The following SGCZ variants were observed in gnomAD, a reference collection of about 807,000 sequenced individuals.
SGCZ encodes the protein zeta-sarcoglycan.
SGCZ carries 40 observed loss-of-function variants against 41.3 expected under a neutral mutation model. The ratio of observed to expected loss-of-function variants is 0.97; its 90% confidence interval spans 0.75 to 1.26. The LOEUF (loss-of-function observed/expected upper bound fraction) is 1.26. SGCZ is among the 50% of genes most tolerant of loss of function. The probability of loss-of-function intolerance (pLI) is 0.00; values close to 1 mark genes in which losing one functional copy is unlikely to be tolerated. For synonymous variants in SGCZ, 206 were observed against 137.5 expected, an observed-to-expected ratio of 1.50 and a Z score of -3.49; for missense variants, 552 against 369.8, an observed-to-expected ratio of 1.49 and a Z score of -4.04.
intron 5 of SGCZ, among the ~76,000 whole-genome samples, chr8:14,143,626 C>G (rs1803437298): frequency 6.6e-6 from 1 of 152,088 alleles, no homozygotes; most frequent in African/African-American, 2.4e-5. Context: ...GCAAGGGCAC[C>G]AATTTAAGAA....
intron 1 of SGCZ, among the ~76,000 whole-genome samples, chr8:14,945,043 G>T (rs759277370): frequency 6.6e-6 from 1 of 151,784 alleles, no homozygotes; most frequent in South Asian, 2.1e-4. Context: ...CTTCCATCCT[G>T]TGAAAGTTTG....
At chr8:14,504,828 C>T (rs1802258346) in intron 2 of SGCZ, among the ~76,000 whole-genome samples, 1 of 152,132 alleles carries the variant, frequency 6.6e-6, no homozygotes. Context: ...GGGCTGTCTT[C>T]AATTGAACCA....
At chr8:14,343,289 G>C (rs1437308507) in intron 2 of SGCZ, among the ~76,000 whole-genome samples, 1 of 152,158 alleles carries the variant, frequency 6.6e-6, no homozygotes, top group Admixed American at 6.5e-5. Flanking sequence ...GCCTAGTGGA[G>C]CTGCAAGAAG....
At chr8:15,186,993 T>C (rs1434907656) in intron 1 of SGCZ, among the ~76,000 whole-genome samples, 1 of 152,140 alleles carries the variant, frequency 6.6e-6, no homozygotes, top group Non-Finnish European at 1.5e-5. Context: ...CTATTTGTTA[T>C]AGTAGAAATC....
intron 2 of SGCZ, among the ~76,000 whole-genome samples, chr8:14,536,077 T>G (rs1482967017): frequency 6.6e-6 from 1 of 151,878 alleles, no homozygotes; most frequent in Non-Finnish European, 1.5e-5. Context: ...ATTAAACACA[T>G]TCAAAATAAA....
intron 2 of SGCZ, among the ~76,000 whole-genome samples, chr8:14,365,131 T>A (rs991978772): frequency 6.6e-6 from 1 of 152,068 alleles, no homozygotes; most frequent in Non-Finnish European, 1.5e-5. Context: ...GTTATTACAG[T>A]GATATATGCT....
At chr8:14,091,801 T>C (rs915860415) in intron 7 of SGCZ, among the ~76,000 whole-genome samples, 3 of 152,188 alleles carry the variant, frequency 2.0e-5, no homozygotes, top group Non-Finnish European at 4.4e-5. Flanking sequence ...CTGATGATAG[T>C]TTCTTTTGCT....
intron 3 of SGCZ, among the ~76,000 whole-genome samples, chr8:14,250,688 T>G (rs1052261176): frequency 3.9e-5 from 6 of 152,000 alleles, no homozygotes; most frequent in Admixed American, 6.5e-5. Flanking sequence ...AGTTAACCCT[T>G]GAGATGCCAG....
intron 2 of SGCZ, among the ~76,000 whole-genome samples, chr8:14,394,206 A>G (rs1432039386): frequency 7.3e-6 from 1 of 136,414 alleles, no homozygotes. Flanking sequence ...GCTGGAGTGC[A>G]GTGGCATGAT....
intron 1 of SGCZ, among the ~76,000 whole-genome samples, chr8:14,764,208 G>A (rs979371735): frequency 2.0e-5 from 3 of 152,174 alleles, no homozygotes; most frequent in Non-Finnish European, 2.9e-5. Context: ...ACAGAAATAT[G>A]TCAGATAATG....
At chr8:14,257,606 A>G (rs1457939714) in intron 3 of SGCZ, among the ~76,000 whole-genome samples, 1 of 151,492 alleles carries the variant, frequency 6.6e-6, no homozygotes, top group Admixed American at 6.6e-5. Flanking sequence ...TACATTAGGT[A>G]TATCTACTAA....
chr8:14,717,321 A>G (rs1809724446), intron 1 of SGCZ, among the ~76,000 whole-genome samples: 1 of 152,172 alleles, frequency 6.6e-6, no homozygotes, highest in East Asian at 1.9e-4. Flanking sequence ...GTACAATACC[A>G]GGAAGCCATA....
chr8:14,743,509 A>G (rs1490975864), intron 1 of SGCZ, among the ~76,000 whole-genome samples: 1 of 152,070 alleles, frequency 6.6e-6, no homozygotes. Context: ...AATATGAAGT[A>G]AATTTTTGTT....
intron 5 of SGCZ, among the ~76,000 whole-genome samples, chr8:14,136,747 G>C (rs1326990821): frequency 1.3e-5 from 2 of 152,186 alleles, no homozygotes; most frequent in African/African-American, 4.8e-5. Context: ...AAAGGCAGCA[G>C]AAACTTCTGC....
At chr8:15,021,174 C>T (rs1397961741) in intron 1 of SGCZ, among the ~76,000 whole-genome samples, 2 of 151,986 alleles carry the variant, frequency 1.3e-5, no homozygotes, top group African/African-American at 4.8e-5. Context: ...TGCTGCTGCA[C>T]CTGCAAATCT....
At chr8:14,824,025 A>C (rs997419247) in intron 1 of SGCZ, among the ~76,000 whole-genome samples, 1 of 148,732 alleles carries the variant, frequency 6.7e-6, no homozygotes, top group Admixed American at 7.0e-5. Flanking sequence ...ATAGAATCTA[A>C]AGGGAAAAAA....
chr8:14,824,348 A>C (rs1802217078), intron 1 of SGCZ, among the ~76,000 whole-genome samples: 1 of 152,158 alleles, frequency 6.6e-6, no homozygotes, highest in Non-Finnish European at 1.5e-5. Context: ...TCAAAGAATC[A>C]AATTATACTC....
rs376083251 is a variant in SGCZ, at chr8:14,263,822, C to T, written c.337-26143G>A. On this transcript the variant is annotated intron_variant, in intron 3 of 7. Coordinates refer to ENST00000382080, the MANE Select transcript of SGCZ (RefSeq NM_139167.4). ...GAGTCACACTGCCATCTTCACCCCT[C>T]TCCCAACTCCAAGAAGCACAACTCA... is the stretch of plus-strand genomic sequence containing the variant. Among the ~76,000 whole-genome samples the T allele has an allele frequency of 9.2e-5, 14 of 152,300 alleles. 1 individual carries two copies. In the South Asian group the frequency reaches 2.5e-3, roughly 27 times the overall value.
intron 1 of SGCZ, among the ~76,000 whole-genome samples, chr8:15,090,351 G>A (rs1585552249): frequency 6.6e-6 from 1 of 152,114 alleles, no homozygotes; most frequent in Non-Finnish European, 1.5e-5. Context: ...TCCTGAATAT[G>A]GTTTCTGAGC....
Sources: gnomAD v4.1 joint callset for allele counts (sites outside exome capture counted in the v4.1 genomes callset) on GRCh38, gnomAD v4.1.1 for gene constraint, MANE v1.5 for transcripts, NCBI Gene and HGNC (gene_info 2026-07-23, HGNC 2026-07-21) for gene names.